Variants in KLHL29 observed in about 807,000 individuals in gnomAD.
The protein encoded by KLHL29 is kelch like family member 29, also known as kelch-like protein 29.
Under a neutral mutation model 80.4 loss-of-function variants are expected in KLHL29, and 21 were observed. The observed-to-expected ratio is 0.26, with a 90% confidence interval of 0.19 to 0.38. The LOEUF (loss-of-function observed/expected upper bound fraction) is 0.38, where lower values mean the gene tolerates loss of function less well. KLHL29 is among the 10% of genes least tolerant of loss of function. The probability of loss-of-function intolerance (pLI) is 1.00; values close to 1 mark genes in which losing one functional copy is unlikely to be tolerated. For synonymous variants in KLHL29, 511 were observed against 526.8 expected, an observed-to-expected ratio of 0.97 and a Z score of 0.41; for missense variants, 867 against 1,223.9, an observed-to-expected ratio of 0.71 and a Z score of 4.35.
rs2149161777 is a variant in KLHL29 at position 23,647,479 on chromosome 2, C to G, written c.940+4629C>G. 6.6e-6 allele frequency among the ~76,000 whole-genome samples: 1 copy of G among 152,270 alleles called. No individual in the cohort carries two copies. The highest frequency in any genetic ancestry group is 3.4e-3 in the Middle Eastern group (1 of 294). On this transcript the variant is annotated intron_variant, in intron 5 of 13. Transcript: ENST00000486442. This position sits in a 1 kb window ranked among gnomAD's most constrained non-coding sequence, Gnocchi z 4.9. ...TTGTCTGTGGCCAGCCCTTTGTCCA[C>G]CTCTAGCACTAAGTCTGAAAACTCA...
intron 5 of KLHL29, among the ~76,000 whole-genome samples, chr2:23,657,267 T>C (rs958853012): frequency 6.6e-6 from 1 of 152,196 alleles, no homozygotes; most frequent in African/African-American, 2.4e-5. Context: ...GCATTTAGAT[T>C]CTGAGGACGA....
intron 2 of KLHL29, among the ~76,000 whole-genome samples, chr2:23,524,798 C>T (rs1666247839): frequency 6.6e-6 from 1 of 152,206 alleles, no homozygotes; most frequent in African/African-American, 2.4e-5. Flanking sequence ...GGTATGAAAA[C>T]ATTACAGGAA....
chr2:23,457,074 G>T lies in KLHL29; in HGVS notation c.-153-18486G>T, dbSNP rs1478387216. Among the ~76,000 whole-genome samples the T allele has an allele frequency of 6.6e-6, 1 of 152,250 alleles. No homozygotes were observed. The highest frequency in any genetic ancestry group is 2.1e-4 in the South Asian group (1 of 4,826). ...TTCCGAGGCCCCTCCCCAGGCATCTGCTGAGACCCTCCCTTGTGCCAGGCC... is the reference window on the plus strand; with the variant it reads ...TTCCGAGGCCCCTCCCCAGGCATCTTCTGAGACCCTCCCTTGTGCCAGGCC... On this transcript the variant is annotated intron_variant, in intron 1 of 13. Coordinates refer to ENST00000486442, the MANE Select transcript of KLHL29 (RefSeq NM_052920.2). The surrounding 1 kb of genome is among the most constrained non-coding windows in gnomAD (Gnocchi z 4.3).
chr2:23,542,513 C>T (rs1427784631), intron 2 of KLHL29, among the ~76,000 whole-genome samples: 2 of 152,136 alleles, frequency 1.3e-5, no homozygotes, highest in African/African-American at 4.8e-5. Flanking sequence ...CAGGGTTTGG[C>T]TATTTGGGGA....
At chr2:23,437,480 AG>A (rs1663375705) in intron 1 of KLHL29, among the ~76,000 whole-genome samples, 1 of 152,264 alleles carries the variant, frequency 6.6e-6, no homozygotes, top group Non-Finnish European at 1.5e-5. Context: ...GAAAGGAATT[AG>A]TAGACAACAG....
chr2:23,665,724 A>G (rs969095143), intron 5 of KLHL29, among the ~76,000 whole-genome samples: 4 of 152,132 alleles, frequency 2.6e-5, no homozygotes, highest in African/African-American at 9.7e-5. Context: ...CAGACAGAAG[A>G]GAGAGGGAAG....
At chr2:23,648,562 T>C (rs137867355) in intron 5 of KLHL29, among the ~76,000 whole-genome samples, 1 of 152,222 alleles carries the variant, frequency 6.6e-6, no homozygotes, top group East Asian at 1.9e-4. Flanking sequence ...AGCAGCCTGT[T>C]GCTGGGAACT....
chr2:23,589,219 G>A (rs1024143250), intron 3 of KLHL29, among the ~76,000 whole-genome samples: 2 of 152,268 alleles, frequency 1.3e-5, no homozygotes, highest in Non-Finnish European at 2.9e-5. Flanking sequence ...TGCAGGAATG[G>A]AGAAAGGCCT....
chr2:23,581,878 G>A (rs4665615), intron 3 of KLHL29, among the ~76,000 whole-genome samples: 27,422 of 147,978 alleles, frequency 0.19, 3,358 homozygotes, highest in African/African-American at 0.32. Context: ...TCATTGTGCC[G>A]TTTTTAAGTG....
chr2:23,548,077 A>AG (rs11404690), intron 2 of KLHL29, among the ~76,000 whole-genome samples: 152,282 of 152,282 alleles, frequency 1, 76,141 homozygotes, highest in Non-Finnish European at 1. Flanking sequence ...TGTCAAGCCG[A>AG]GGCAGGGCCC....
intron 1 of KLHL29, among the ~76,000 whole-genome samples, chr2:23,431,884 A>G (rs1387295360): frequency 1.4e-5 from 2 of 143,488 alleles, no homozygotes; most frequent in African/African-American, 5.2e-5. Context: ...CCTGGGCGAC[A>G]GAGTGAGACT....
chr2:23,438,760 G>C (rs1270836191), intron 1 of KLHL29, among the ~76,000 whole-genome samples: 1 of 152,012 alleles, frequency 6.6e-6, no homozygotes, highest in Non-Finnish European at 1.5e-5. Context: ...AAGGATATTG[G>C]TCTAAAATTC....
At chr2:23,489,107 C>A (rs1460457776) in intron 2 of KLHL29, among the ~76,000 whole-genome samples, 1 of 152,150 alleles carries the variant, frequency 6.6e-6, no homozygotes, top group African/African-American at 2.4e-5. Context: ...ATGAGAGAAA[C>A]TGGTGTTTAT....
At chr2:23,402,592 A>G (rs1666621312) in intron 1 of KLHL29, among the ~76,000 whole-genome samples, 1 of 151,994 alleles carries the variant, frequency 6.6e-6, no homozygotes, top group African/African-American at 2.4e-5. Context: ...TGTGAACTGA[A>G]CAGCCTGGCT....
chr2:23,500,388 G>A (rs1665405957), intron 2 of KLHL29, among the ~76,000 whole-genome samples: 1 of 152,216 alleles, frequency 6.6e-6, no homozygotes, highest in South Asian at 2.1e-4. Context: ...ATTTTGGTGT[G>A]TATGTGCTAT....
In KLHL29 at chr2:23,452,192, T is replaced by C. The variant is rs1232698979; in HGVS notation, c.-153-23368T>C. ...GTGCCCAGAAAAAAAAATTTTTTTC[T>C]TTTTTTTTTTTTAGAGATGGGGTCT... On this transcript the variant is annotated intron_variant, in intron 1 of 13. Transcript: ENST00000486442. Among the ~76,000 whole-genome samples, 13 of 140,082 alleles carry C rather than the reference T, an allele frequency of 9.3e-5. No homozygotes were observed. The South Asian group carries it at 2.9e-3, about 32-fold the overall frequency. 91.9% of individuals were successfully genotyped at this position (140,082 alleles called of 152,430 possible).
intron 2 of KLHL29, among the ~76,000 whole-genome samples, chr2:23,508,981 CTG>C (rs1665690071): frequency 6.6e-6 from 1 of 152,222 alleles, no homozygotes; most frequent in Non-Finnish European, 1.5e-5. Context: ...GTTCCCTCAT[CTG>C]TAAAAGATTT....
intron 1 of KLHL29, among the ~76,000 whole-genome samples, chr2:23,399,207 G>T (rs1167036948): frequency 6.6e-6 from 1 of 152,162 alleles, no homozygotes; most frequent in Admixed American, 6.5e-5. Context: ...CAGTATCCTA[G>T]AATCTTTGTG....
chr2:23,549,090 G>A (rs538633941), intron 2 of KLHL29, among the ~76,000 whole-genome samples: 4 of 152,314 alleles, frequency 2.6e-5, no homozygotes, highest in South Asian at 4.1e-4. Flanking sequence ...ATTCATCAGC[G>A]TCCCCGCCTT....
Sources: gnomAD v4.1 joint callset for allele counts (sites outside exome capture counted in the v4.1 genomes callset) on GRCh38, gnomAD v4.1.1 for gene constraint, Gnocchi (gnomAD v3.1) non-coding constraint, MANE v1.5 for transcripts, NCBI Gene and HGNC (gene_info 2026-07-23, HGNC 2026-07-21) for gene names.